The following KMT2E variants were observed in gnomAD, a reference collection of about 807,000 sequenced individuals.
KMT2E encodes lysine methyltransferase 2E (inactive).
Under a neutral mutation model 184.6 loss-of-function variants are expected in KMT2E, and 30 were observed. The ratio of observed to expected loss-of-function variants is 0.16; its 90% CI spans 0.12 to 0.22. The LOEUF (loss-of-function observed/expected upper bound fraction) is 0.22, where lower values mean the gene tolerates loss of function less well. Among genes scored for constraint, KMT2E ranks in the 10% least tolerant of loss-of-function variants. The pLI is 1.00. For synonymous variants in KMT2E, 815 were observed against 776.5 expected, an observed-to-expected ratio of 1.05 and a Z score of -0.82; for missense variants, 2,023 against 2,237.4, an observed-to-expected ratio of 0.90 and a Z score of 1.93.
At chr7:105,055,217 GTT>G (rs1374514810) in intron 3 of KMT2E, among the ~76,000 whole-genome samples, 14 of 130,932 alleles carry the variant, frequency 1.1e-4, no homozygotes, top group Admixed American at 1.6e-4. Context: ...TTCTTTTTAG[GTT>G]TTTTTTTTTT....
rs780786453 is a variant in KMT2E, at chr7:105,107,462, G to T, written c.3005G>T (p.Ser1002Ile). 83 of 1,613,930 alleles carry T rather than the reference G, an allele frequency of 5.1e-5. No individual in the cohort carries two copies. Among genetic ancestry groups the T allele is most frequent in the Non-Finnish European group, 6.9e-5 (81 of 1,179,992 alleles). The change falls in exon 22 of 27, where the codon AGC (serine) becomes ATC (isoleucine). Residue 1002 changes from serine to isoleucine, a missense_variant. Physicochemically the swap from Ser to Ile is moderately radical, Grantham distance 142 (BLOSUM62 -2). Transcript: ENST00000311117. ...LQEIKTIGYTSPRSRTEVNRQ... is the reference protein window; with the variant it reads ...LQEIKTIGYTIPRSRTEVNRQ... The stretch of plus-strand genomic sequence containing the variant: ...GAAATAAAGACTATTGGTTATACGA[G>T]CCCTAGGAGTAGGACTGAAGTCAAC...
intron 22 of KMT2E, chr7:105,108,595 G>A (rs1332686400): frequency 2.2e-6 from 1 of 461,248 alleles, no homozygotes. Context: ...GAAAGAGCAC[G>A]GGCTTTCAAG....
intron 7 of KMT2E, among the ~76,000 whole-genome samples, chr7:105,073,905 AAAAT>A (rs1205537458): frequency 3.0e-4 from 46 of 152,282 alleles, no homozygotes; most frequent in African/African-American, 1.1e-3. Flanking sequence ...AAATGAGAGG[AAAAT>A]AAATAATTTA....
At chr7:105,089,860 TTAAC>T in intron 13 of KMT2E, 145 bp from the exon 14 acceptor site, 2 of 1,162,696 alleles carry the variant, frequency 1.7e-6, no homozygotes, top group Non-Finnish European at 1.2e-6. Context: ...TTTGTGGTAG[TTAAC>T]TAGGAATGTA....
At chr7:105,029,000 C>T (rs1427149319) in intron 1 of KMT2E, among the ~76,000 whole-genome samples, 3 of 152,102 alleles carry the variant, frequency 2.0e-5, no homozygotes, top group Non-Finnish European at 4.4e-5. Context: ...CACGGTGGCT[C>T]ATGTCTATAA....
chr7:105,066,923 G>A (rs1369710449), intron 6 of KMT2E, 116 bp downstream of exon 6: 4 of 752,652 alleles, frequency 5.3e-6, no homozygotes, highest in Non-Finnish European at 9.1e-6. Flanking sequence ...CGGGCATGGT[G>A]GCTCATGCCT....
chr7:105,063,815 A>T (rs1796917647), intron 5 of KMT2E: 2 of 509,858 alleles, frequency 3.9e-6, no homozygotes, highest in Non-Finnish European at 7.0e-6. Context: ...TTCATGTAGG[A>T]TCACATTTTT....
At chr7:105,099,392 G>A (rs1446193413) in intron 15 of KMT2E, among the ~76,000 whole-genome samples, 1 of 152,044 alleles carries the variant, frequency 6.6e-6, no homozygotes, top group Non-Finnish European at 1.5e-5. Flanking sequence ...CAGCAGTATT[G>A]GACCACATTA....
Position 105,111,860 on chromosome 7 carries a change from A to G in KMT2E, c.4104A>G (p.Ala1368=), listed in dbSNP as rs940619377. The G allele has an allele frequency of 2.5e-6, 4 of 1,613,878 alleles. No individual in the cohort carries two copies. The highest frequency in any genetic ancestry group is 3.4e-6 in the Non-Finnish European group (4 of 1,179,938). Residue 1368 remains alanine (A), a synonymous_variant, in exon 27 of 27, where the codon GCA becomes GCG. Transcript: ENST00000311117. The part of the protein sequence containing the change: ...GSPGSVIPAQ[A]HGKIFTKPDP... ...CTGGATCTGTAATTCCTGCTCAAGC[A>G]CACGGGAAAATATTCACAAAACCAG...
intron 1 of KMT2E, among the ~76,000 whole-genome samples, chr7:105,020,871 T>C (rs1302566652): frequency 6.6e-6 from 1 of 152,212 alleles, no homozygotes; most frequent in Non-Finnish European, 1.5e-5. Context: ...GAATTAACCA[T>C]TACCACTTAG....
chr7:105,026,504 C>T (rs759382885), intron 1 of KMT2E, among the ~76,000 whole-genome samples: 1 of 152,186 alleles, frequency 6.6e-6, no homozygotes, highest in Non-Finnish European at 1.5e-5. Context: ...TCTTGTTCAT[C>T]TTGCACATAC....
chr7:105,089,543 TCATATGATA>T (rs1331645951), intron 13 of KMT2E, among the ~76,000 whole-genome samples: 2 of 152,194 alleles, frequency 1.3e-5, no homozygotes, highest in Non-Finnish European at 2.9e-5. Context: ...ACACCTGACC[TCATATGATA>T]GGTCACAGTC....
At chr7:105,062,708 A>G (rs1411278652) in intron 4 of KMT2E, among the ~76,000 whole-genome samples, 1 of 151,974 alleles carries the variant, frequency 6.6e-6, no homozygotes, top group South Asian at 2.1e-4. Context: ...ATCATTAAAA[A>G]CAACTTCATG....
chr7:105,079,175 G>A (rs1186510762), intron 12 of KMT2E, among the ~76,000 whole-genome samples: 2 of 133,382 alleles, frequency 1.5e-5, no homozygotes, highest in African/African-American at 2.8e-5. Flanking sequence ...CACTCTTGTT[G>A]CCCAGGCTGG....
chr7:105,088,672 A>G (rs1323728141), intron 13 of KMT2E, among the ~76,000 whole-genome samples: 3 of 152,178 alleles, frequency 2.0e-5, no homozygotes, highest in Non-Finnish European at 2.9e-5. Context: ...TGAAAAGTAC[A>G]TGCGCCTGAG....
At chr7:105,065,978 A>G (rs569647018) in intron 5 of KMT2E, among the ~76,000 whole-genome samples, 1 of 152,194 alleles carries the variant, frequency 6.6e-6, no homozygotes, top group East Asian at 1.9e-4. Context: ...ATTAGGTTTA[A>G]TCTCTGTCCT....
At chr7:105,025,672 C>T (rs900700393) in intron 1 of KMT2E, among the ~76,000 whole-genome samples, 5 of 152,268 alleles carry the variant, frequency 3.3e-5, no homozygotes, top group Admixed American at 6.5e-5. Flanking sequence ...CCCAAATTGG[C>T]TAATTCTATT....
chr7:105,072,916 A>G (rs1269297492), intron 6 of KMT2E, among the ~76,000 whole-genome samples: 1 of 151,928 alleles, frequency 6.6e-6, no homozygotes, highest in East Asian at 1.9e-4. Context: ...CTCCATCTCA[A>G]AAAAAAAGCA....
rs763367225 is a variant in KMT2E at position 105,110,368 on chromosome 7, G to GGTAA, written c.3844+3_3844+6dup. Reference sequence around the variant, plus strand: ...TGATCACCGAAAAGATAAAGATAGTGGTAAGTGAGCTTGTTCCTTCACCAG... The same window carrying GGTAA: ...TGATCACCGAAAAGATAAAGATAGTGGTAAGTAAGTGAGCTTGTTCCTTCACCAG... On this transcript the variant is annotated frameshift_variant and splice_region_variant. Transcript: ENST00000311117. LOFTEE classifies it high-confidence loss of function. The GGTAA allele has an allele frequency of 4.3e-6, 7 of 1,613,836 alleles. No individual in the cohort carries two copies. Among genetic ancestry groups the GGTAA allele is most frequent in the Non-Finnish European group, 5.1e-6 (6 of 1,179,862 alleles).
Sources: allele counts gnomAD v4.1 joint callset (sites outside exome capture counted in the v4.1 genomes callset), GRCh38; gene constraint gnomAD v4.1.1; transcripts MANE v1.5; gene names NCBI Gene and HGNC (gene_info 2026-07-23, HGNC 2026-07-21).